DLG2: variants seen among roughly 807,000 people sequenced by gnomAD.
The protein encoded by DLG2 is discs large MAGUK scaffold protein 2.
A neutral mutation model predicts 132.5 loss-of-function variants in DLG2; 45 were observed. The observed-to-expected ratio is 0.34, with a 90% CI of 0.27 to 0.44. The LOEUF is 0.44. Among genes scored for constraint, DLG2 ranks in the 20% least tolerant of loss-of-function variants. The pLI, the probability that DLG2 is intolerant of heterozygous loss-of-function variation, is 1.00. For missense variants in DLG2, 1,045 were observed against 1,196.9 expected, an observed-to-expected ratio of 0.87 and a Z score of 1.87; for synonymous variants, 424 against 419.6, an observed-to-expected ratio of 1.01 and a Z score of -0.13.
rs796341642 is a variant in DLG2 at position 85,140,561 on chromosome 11, ATTT to A, written c.282+13992_282+13994del. On this transcript the variant is annotated intron_variant, in intron 5 of 27. Coordinates refer to ENST00000376104, the MANE Select transcript of DLG2 (RefSeq NM_001142699.3). ...GGGATATCCATCACCTCAGGAACTT[ATTT>A]TTTTTTTTGTATTAGACACATTCCA... is the stretch of plus-strand genomic sequence containing the variant. Among the ~76,000 whole-genome samples, 3 of 145,798 alleles carry A rather than the reference ATTT, an allele frequency of 2.1e-5. No homozygotes were observed. In the East Asian group the frequency reaches 6.0e-4, roughly 29 times the overall value.
At chr11:84,446,010 G>GT (rs1233252766) in intron 7 of DLG2, among the ~76,000 whole-genome samples, 1 of 144,370 alleles carries the variant, frequency 6.9e-6, no homozygotes, top group Non-Finnish European at 1.5e-5. Flanking sequence ...ATTCTGTTAT[G>GT]TTTTTTCTGG....
intron 18 of DLG2, among the ~76,000 whole-genome samples, chr11:83,713,747 C>G (rs746664542): frequency 6.6e-6 from 1 of 152,220 alleles, no homozygotes; most frequent in Non-Finnish European, 1.5e-5. Flanking sequence ...TCTCTTCACA[C>G]TACTGCACTG....
At chr11:83,468,644 T>C (rs182021454) in intron 25 of DLG2, among the ~76,000 whole-genome samples, 1 of 152,306 alleles carries the variant, frequency 6.6e-6, no homozygotes, top group Non-Finnish European at 1.5e-5. Context: ...TGTAGGCAGA[T>C]TGTGTAGCCA....
chr11:84,127,672 T>A (rs574232887), intron 9 of DLG2, among the ~76,000 whole-genome samples: 1 of 152,266 alleles, frequency 6.6e-6, no homozygotes, highest in Admixed American at 6.5e-5. Flanking sequence ...GGGCTCAAAC[T>A]ATCTTCCTGC....
intron 19 of DLG2, among the ~76,000 whole-genome samples, chr11:83,611,786 G>A (rs1009636916): frequency 1.3e-5 from 2 of 152,166 alleles, no homozygotes; most frequent in East Asian, 1.9e-4. Context: ...ACTGAAGGAC[G>A]GGAACAGGGG....
At chr11:84,583,532 T>C (rs796691800) in intron 6 of DLG2, among the ~76,000 whole-genome samples, 1 of 152,224 alleles carries the variant, frequency 6.6e-6, no homozygotes, top group Non-Finnish European at 1.5e-5. Flanking sequence ...GTTTTTTGAC[T>C]ATATGTTTGA....
intron 3 of DLG2, among the ~76,000 whole-genome samples, chr11:85,458,154 T>A (rs2092480743): frequency 6.6e-6 from 1 of 152,212 alleles, no homozygotes; most frequent in African/African-American, 2.4e-5. Context: ...TCTTCTTCAT[T>A]TTTGTCTGAC....
At chr11:83,465,927 T>A (rs2090941466) in intron 26 of DLG2, among the ~76,000 whole-genome samples, 1 of 152,220 alleles carries the variant, frequency 6.6e-6, no homozygotes, top group South Asian at 2.1e-4. Flanking sequence ...CTCTATCTAC[T>A]GTAGCTTCAC....
intron 12 of DLG2, among the ~76,000 whole-genome samples, chr11:83,970,814 G>T (rs186397771): frequency 6.6e-6 from 1 of 152,174 alleles, no homozygotes; most frequent in Admixed American, 6.5e-5. Flanking sequence ...GAAAATTTTC[G>T]CTGATCATTT....
Position 83,484,782 on chromosome 11 carries a change from T to C in DLG2, c.2194-554A>G, listed in dbSNP as rs144023332. Among the ~76,000 whole-genome samples, 1,112 of 152,320 alleles carry C rather than the reference T, an allele frequency of 7.3e-3. 9 individuals carry two copies. The highest frequency in any genetic ancestry group is 0.024 in the African/African-American group (1,004 of 41,578). ...AATTTGAATTTGAGTTACTTCTGTT[T>C]AGTTTTAATTAAATTAAAACTGCAC... On this transcript the variant is annotated intron_variant, in intron 21 of 27. Coordinates refer to ENST00000376104, the MANE Select transcript of DLG2 (RefSeq NM_001142699.3).
intron 14 of DLG2, among the ~76,000 whole-genome samples, chr11:83,945,973 C>CCTTCCTTCCTTTCCTTCCTTCCT (rs1338581440): frequency 5.7e-4 from 81 of 142,632 alleles, no homozygotes; most frequent in Middle Eastern, 3.6e-3. Context: ...TTCCTTTTCT[C>CCTTCCTTCCTTTCCTTCCTTCCT]TTTCTCTTTC....
intron 3 of DLG2, among the ~76,000 whole-genome samples, chr11:85,582,672 A>AAAAAAAAAAAAAAC (rs2078621058): frequency 1.5e-5 from 1 of 67,584 alleles, no homozygotes; most frequent in African/African-American, 6.9e-5. Context: ...AAAAAAAAAA[A>AAAAAAAAAAAAAAC]AAAAAAAAAA....
At chr11:84,003,901 G>A (rs1011649085) in intron 11 of DLG2, among the ~76,000 whole-genome samples, 2 of 151,990 alleles carry the variant, frequency 1.3e-5, no homozygotes, top group Admixed American at 6.6e-5. Context: ...AGGAAGATAC[G>A]GAAAACCTGA....
At chr11:84,603,721 A>G (rs1384485818) in intron 6 of DLG2, among the ~76,000 whole-genome samples, 3 of 151,838 alleles carry the variant, frequency 2.0e-5, no homozygotes, top group Admixed American at 6.6e-5. Context: ...ATCTTATCTC[A>G]TGTATTGGTT....
At chr11:84,518,689 AT>A (rs909754508) in intron 7 of DLG2, among the ~76,000 whole-genome samples, 5 of 152,022 alleles carry the variant, frequency 3.3e-5, no homozygotes, top group Admixed American at 1.3e-4. Context: ...AATTGCTGAG[AT>A]TTTTCCCCCC....
chr11:83,680,687 T>C (rs1038969602), intron 18 of DLG2, among the ~76,000 whole-genome samples: 14 of 152,134 alleles, frequency 9.2e-5, no homozygotes, highest in Admixed American at 9.2e-4. Flanking sequence ...GGAAAAGCTA[T>C]TTATGGACAA....
intron 4 of DLG2, among the ~76,000 whole-genome samples, chr11:85,197,368 A>G (rs1282722405): frequency 4.1e-4 from 63 of 152,322 alleles, no homozygotes. Flanking sequence ...ATATTTATAG[A>G]TACAGAAAAC....
At position 83,553,483 on chromosome 11, in the gene DLG2, CGTGTGTGTGTGTGTGT is replaced by C. The variant is rs71959561; in HGVS notation, c.1941-11641_1941-11626del. ...CTGGCACAAAGTAAGAAGTAAGCAC[CGTGTGTGTGTGTGTGT>C]GTGTGTGTGTGTGTGTGTGTGTGTG... On this transcript the variant is annotated intron_variant, in intron 19 of 27. Transcript: ENST00000376104. Among the ~76,000 whole-genome samples, 307 of 143,866 alleles carry C rather than the reference CGTGTGTGTGTGTGTGT, an allele frequency of 2.1e-3. 2 individuals carry two copies. The highest frequency in any genetic ancestry group is 7.7e-3 in the African/African-American group (291 of 37,824). 94.4% of individuals were successfully genotyped at this position (143,866 alleles called of 152,430 possible). A position where few individuals can be genotyped will look rare whatever the true frequency, so the allele number is the denominator to read the frequency against.
At chr11:84,379,384 G>T (rs2098741457) in intron 7 of DLG2, among the ~76,000 whole-genome samples, 1 of 152,024 alleles carries the variant, frequency 6.6e-6, no homozygotes, top group Non-Finnish European at 1.5e-5. Flanking sequence ...TTAAAAAAAA[G>T]TAGCTATTGA....
Sources: gnomAD v4.1 joint callset for allele counts (sites outside exome capture counted in the v4.1 genomes callset) on GRCh38, gnomAD v4.1.1 for gene constraint, MANE v1.5 for transcripts, NCBI Gene and HGNC (gene_info 2026-07-23, HGNC 2026-07-21) for gene names.